The following ZNF385B variants were observed in gnomAD, a reference collection of about 807,000 sequenced individuals.
ZNF385B encodes the protein zinc finger protein 385B, also known as zinc finger protein 533.
A neutral mutation model predicts 39.2 loss-of-function variants in ZNF385B; 23 were observed. That is an observed-to-expected ratio of 0.59 (90% CI 0.42 to 0.83). The LOEUF is 0.83. ZNF385B is among the 40% of genes least tolerant of loss of function. The pLI, the probability that ZNF385B is intolerant of heterozygous loss-of-function variation, is 0.00. For synonymous variants in ZNF385B, 205 were observed against 222.6 expected, an observed-to-expected ratio of 0.92 and a Z score of 0.70; for missense variants, 552 against 598.9, an observed-to-expected ratio of 0.92 and a Z score of 0.82.
At chr2:179,594,165 A>G (rs1687804753) in intron 3 of ZNF385B, among the ~76,000 whole-genome samples, 1 of 152,204 alleles carries the variant, frequency 6.6e-6, no homozygotes, top group African/African-American at 2.4e-5. Flanking sequence ...CTTTCCTTTT[A>G]GCTCTTAGCC....
At chr2:179,558,217 T>C (rs1267862213) in intron 3 of ZNF385B, among the ~76,000 whole-genome samples, 1 of 152,150 alleles carries the variant, frequency 6.6e-6, no homozygotes, top group Non-Finnish European at 1.5e-5. Context: ...CAGTTCACAC[T>C]AAGAGCCAGG....
At chr2:179,535,134 C>T (rs1014548453) in intron 4 of ZNF385B, among the ~76,000 whole-genome samples, 8 of 152,104 alleles carry the variant, frequency 5.3e-5, no homozygotes, top group African/African-American at 1.9e-4. Flanking sequence ...GAATTTCATT[C>T]TATGCACCTC....
At chr2:179,798,232 C>CTT (rs1219611093) in intron 1 of ZNF385B, among the ~76,000 whole-genome samples, 1 of 151,914 alleles carries the variant, frequency 6.6e-6, no homozygotes, top group African/African-American at 2.4e-5. Context: ...ATCTAGTAGC[C>CTT]TTTATAGCTT....
intron 6 of ZNF385B, among the ~76,000 whole-genome samples, chr2:179,449,301 G>A (rs1365997200): frequency 1.3e-5 from 2 of 152,022 alleles, no homozygotes; most frequent in South Asian, 2.1e-4. Flanking sequence ...TTAAGGTTTC[G>A]AAGGTCAGAT....
At chr2:179,798,465 A>G (rs1705819307) in intron 1 of ZNF385B, among the ~76,000 whole-genome samples, 2 of 152,160 alleles carry the variant, frequency 1.3e-5, no homozygotes, top group South Asian at 4.1e-4. Context: ...CTGATACTGT[A>G]ATTCAAATTC....
At chr2:179,680,301 T>A (rs955026568) in intron 3 of ZNF385B, among the ~76,000 whole-genome samples, 1 of 152,170 alleles carries the variant, frequency 6.6e-6, no homozygotes, top group African/African-American at 2.4e-5. Context: ...TATAGTATAT[T>A]TGAAATATGA....
At chr2:179,855,134 T>G (rs1026854916) in intron 1 of ZNF385B, among the ~76,000 whole-genome samples, 2 of 152,164 alleles carry the variant, frequency 1.3e-5, no homozygotes, top group African/African-American at 4.8e-5. Context: ...TTAATATTGT[T>G]TATGTCCATT....
At chr2:179,601,727 T>C (rs1688424080) in intron 3 of ZNF385B, among the ~76,000 whole-genome samples, 1 of 152,180 alleles carries the variant, frequency 6.6e-6, no homozygotes. Flanking sequence ...AATGTACTCA[T>C]TACAAATATT....
At chr2:179,539,296 A>T (rs751760883) in intron 4 of ZNF385B, among the ~76,000 whole-genome samples, 7 of 152,098 alleles carry the variant, frequency 4.6e-5, no homozygotes, top group Non-Finnish European at 7.4e-5. Flanking sequence ...TAATCCCATC[A>T]TGAGGGCCCC....
chr2:179,682,802 A>G (rs1460372126), intron 3 of ZNF385B, among the ~76,000 whole-genome samples: 2 of 152,088 alleles, frequency 1.3e-5, no homozygotes, highest in African/African-American at 4.8e-5. Flanking sequence ...TCACTGCCCC[A>G]TGAGGTTGAA....
At chr2:179,821,321 G>A (rs1034040699) in intron 1 of ZNF385B, among the ~76,000 whole-genome samples, 4 of 152,084 alleles carry the variant, frequency 2.6e-5, no homozygotes, top group Non-Finnish European at 4.4e-5. Flanking sequence ...TTTAATATCA[G>A]AAATGCTCAT....
chr2:179,835,374 T>A (rs76292482), intron 1 of ZNF385B, among the ~76,000 whole-genome samples: 6 of 152,176 alleles, frequency 3.9e-5, no homozygotes, highest in African/African-American at 7.2e-5. Context: ...GTGGAAACCC[T>A]TGAGGTAATA....
At chr2:179,735,890 G>C (rs1295149102) in intron 3 of ZNF385B, among the ~76,000 whole-genome samples, 1 of 118,106 alleles carries the variant, frequency 8.5e-6, no homozygotes, top group Non-Finnish European at 1.7e-5. Flanking sequence ...TGTGGGGTGG[G>C]GGGAGGGGGG....
In ZNF385B at chr2:179,668,923, G is replaced by A. The variant is rs545797362; in HGVS notation, c.298+100580C>T. On this transcript the variant is annotated intron_variant, in intron 3 of 9. Transcript: ENST00000410066. ...TTGGGCAGTTAAAAGGGGAAATATT[G>A]ATATAATTAAAAGGCTAGAAAACAA... 7.2e-5 allele frequency among the ~76,000 whole-genome samples: 11 copies of A among 152,156 alleles called. 1 individual carries two copies. The South Asian group carries it at 2.3e-3, about 32-fold the overall frequency.
At chr2:179,700,364 A>G (rs913908711) in intron 3 of ZNF385B, among the ~76,000 whole-genome samples, 2 of 152,110 alleles carry the variant, frequency 1.3e-5, no homozygotes, top group African/African-American at 4.8e-5. Context: ...AACTTTTCCA[A>G]TGCCTGAGTA....
intron 3 of ZNF385B, among the ~76,000 whole-genome samples, chr2:179,551,578 T>C (rs2060571814): frequency 6.6e-6 from 1 of 152,130 alleles, no homozygotes; most frequent in Non-Finnish European, 1.5e-5. Flanking sequence ...CCACCCATAT[T>C]GGGTGTAAAA....
chr2:179,610,407 GGTCTATGT>G, intron 3 of ZNF385B, among the ~76,000 whole-genome samples: 1 of 152,010 alleles, frequency 6.6e-6, no homozygotes, highest in African/African-American at 2.4e-5. Context: ...CTGTTCCATT[GGTCTATGT>G]GTCTATTTTT....
chr2:179,674,605 T>C (rs1166628198), intron 3 of ZNF385B, among the ~76,000 whole-genome samples: 1 of 152,192 alleles, frequency 6.6e-6, no homozygotes, highest in East Asian at 1.9e-4. Flanking sequence ...GCTTCAACAA[T>C]TTAGCAAATT....
chr2:179,598,276 T>G (rs1688150907), intron 3 of ZNF385B, among the ~76,000 whole-genome samples: 1 of 152,156 alleles, frequency 6.6e-6, no homozygotes. Context: ...CCTGCCGTGT[T>G]TGTTTGTGGC....
Sources: gnomAD v4.1 joint callset for allele counts (sites outside exome capture counted in the v4.1 genomes callset) on GRCh38, gnomAD v4.1.1 for gene constraint, MANE v1.5 for transcripts, NCBI Gene and HGNC (gene_info 2026-07-23, HGNC 2026-07-21) for gene names.